ACTR3C: variants seen among roughly 807,000 people sequenced by gnomAD.
ACTR3C encodes the protein actin-related protein 3C.
In ACTR3C, 18 loss-of-function variants were observed where a neutral mutation model predicts 26.3. The observed-to-expected ratio is 0.68, with a 90% CI of 0.47 to 1.01. The LOEUF (loss-of-function observed/expected upper bound fraction) is 1.01. Among genes scored for constraint, ACTR3C ranks in the 50% least tolerant of loss-of-function variants. ACTR3C has a pLI of 0.00. For missense variants in ACTR3C, 184 were observed against 250.7 expected, an observed-to-expected ratio of 0.73 and a Z score of 1.80; for synonymous variants, 55 against 94.5, an observed-to-expected ratio of 0.58 and a Z score of 2.42.
At chr7:149,919,783 T>C in the ACTR3C span, among the ~76,000 whole-genome samples, 2 of 148,646 alleles carry the variant, frequency 1.3e-5, no homozygotes, top group East Asian at 1.9e-4. Context: ...TCAATTTTAC[T>C]TTTACTTTTA....
At chr7:149,976,621 C>T in the ACTR3C span, among the ~76,000 whole-genome samples, 16 of 147,002 alleles carry the variant, frequency 1.1e-4, no homozygotes, top group Middle Eastern at 6.9e-3. Flanking sequence ...GGAAGAATGA[C>T]GAATATAGAA....
rs182154978 is a variant in ACTR3C at position 150,277,567 on chromosome 7, T to C, written c.564+7186A>G. On this transcript the variant is annotated intron_variant, in intron 6 of 7. Transcript: ENST00000683684. ...ACCTGCAAAGCCTCCAACCTACAAA[T>C]GCAACTCAACATCTCCACCAAACTA... Among the ~76,000 whole-genome samples the C allele has an allele frequency of 4.6e-5, 7 of 152,220 alleles. No individual in the cohort carries two copies. In the East Asian group the frequency reaches 1.2e-3, roughly 25 times the overall value.
the ACTR3C span, among the ~76,000 whole-genome samples, chr7:150,231,983 A>G: frequency 6.6e-6 from 1 of 152,232 alleles, no homozygotes; most frequent in African/African-American, 2.4e-5. Context: ...TCCAACTGCA[A>G]TAGTGAATTT....
At chr7:150,229,158 A>C in the ACTR3C span, among the ~76,000 whole-genome samples, 1 of 151,878 alleles carries the variant, frequency 6.6e-6, no homozygotes, top group African/African-American at 2.4e-5. Context: ...TCTTCCTTCC[A>C]ATCTGTTATA....
At chr7:150,250,623 A>T (rs1270562599) in intron 6 of ACTR3C, among the ~76,000 whole-genome samples, 5 of 151,786 alleles carry the variant, frequency 3.3e-5, no homozygotes, top group East Asian at 1.9e-4. Context: ...GGCCATTGCG[A>T]GTGGAGGGGA....
chr7:149,905,967 C>A, the ACTR3C span, among the ~76,000 whole-genome samples: 1 of 151,946 alleles, frequency 6.6e-6, no homozygotes, highest in African/African-American at 2.4e-5. Flanking sequence ...CTAGCAGATA[C>A]GCATAAGGAA....
the ACTR3C span, among the ~76,000 whole-genome samples, chr7:150,032,588 C>T: frequency 6.6e-6 from 1 of 152,060 alleles, no homozygotes; most frequent in Non-Finnish European, 1.5e-5. Context: ...GAGCTTAGAG[C>T]AGAAACTACC....
chr7:150,112,851 G>A, the ACTR3C span, among the ~76,000 whole-genome samples: 1 of 152,024 alleles, frequency 6.6e-6, no homozygotes, highest in African/African-American at 2.4e-5. Context: ...TCTTCCCCCT[G>A]ACTCTGTTTC....
the ACTR3C span, among the ~76,000 whole-genome samples, chr7:149,960,564 G>T: frequency 2.0e-5 from 3 of 152,116 alleles, no homozygotes; most frequent in Admixed American, 2.0e-4. Context: ...GCTGACCCTG[G>T]AGATACCACA....
At chr7:150,011,734 C>A in the ACTR3C span, among the ~76,000 whole-genome samples, 17 of 152,144 alleles carry the variant, frequency 1.1e-4, no homozygotes, top group Admixed American at 4.6e-4. Context: ...GCCTTAACTT[C>A]TGGGACTCGA....
At chr7:149,984,863 G>A in the ACTR3C span, among the ~76,000 whole-genome samples, 4 of 152,098 alleles carry the variant, frequency 2.6e-5, no homozygotes, top group East Asian at 1.9e-4. Context: ...GGAAAATGTC[G>A]CTTCTGTTAC....
chr7:150,104,634 G>A, the ACTR3C span, among the ~76,000 whole-genome samples: 1 of 151,452 alleles, frequency 6.6e-6, no homozygotes, highest in Non-Finnish European at 1.5e-5. Flanking sequence ...CTGGGTGACA[G>A]GAAATGAATG....
chr7:150,183,826 A>T, the ACTR3C span, among the ~76,000 whole-genome samples: 2,531 of 150,158 alleles, frequency 0.017, 265 homozygotes, highest in African/African-American at 0.06. Flanking sequence ...AATTGTGTCA[A>T]GGGTGAGACC....
the ACTR3C span, among the ~76,000 whole-genome samples, chr7:150,042,306 G>A: frequency 2.0e-4 from 18 of 91,490 alleles, no homozygotes; most frequent in African/African-American, 8.9e-4. Flanking sequence ...GAGCCAGGGG[G>A]GGAAGAGGGA....
the ACTR3C span, among the ~76,000 whole-genome samples, chr7:150,100,201 G>T: frequency 6.6e-6 from 1 of 151,510 alleles, no homozygotes; most frequent in Non-Finnish European, 1.5e-5. Flanking sequence ...CCCTCCATAA[G>T]CATCCCTCAG....
At chr7:150,310,495 C>T (rs1796210324) in intron 1 of ACTR3C, among the ~76,000 whole-genome samples, 2 of 152,110 alleles carry the variant, frequency 1.3e-5, no homozygotes, top group Non-Finnish European at 2.9e-5. Flanking sequence ...ACCTTTGCCT[C>T]ATAAATCAAA....
chr7:150,028,005 TAAAAA>T, the ACTR3C span, among the ~76,000 whole-genome samples: 1 of 152,108 alleles, frequency 6.6e-6, no homozygotes, highest in Admixed American at 6.5e-5. Context: ...GCCCAAAAAA[TAAAAA>T]AATTAAAAAC....
the ACTR3C span, among the ~76,000 whole-genome samples, chr7:150,023,338 CAT>C: frequency 1.1e-4 from 5 of 46,068 alleles, no homozygotes; most frequent in Non-Finnish European, 1.8e-4. Flanking sequence ...TACATACATA[CAT>C]ATATATTTTA....
the ACTR3C span, among the ~76,000 whole-genome samples, chr7:150,033,371 C>G: frequency 8.5e-5 from 13 of 152,316 alleles, no homozygotes; most frequent in Non-Finnish European, 1.9e-4. Flanking sequence ...CTGGAGGCTT[C>G]CCGAGACTCA....
Sources: allele counts gnomAD v4.1 joint callset (sites outside exome capture counted in the v4.1 genomes callset), GRCh38; gene constraint gnomAD v4.1.1; transcripts MANE v1.5; gene names NCBI Gene and HGNC (gene_info 2026-07-23, HGNC 2026-07-21).